Variants in UGT2B11 observed in about 807,000 individuals in gnomAD.
The protein encoded by UGT2B11 is UDP-glucuronosyltransferase 2B11.
Under a neutral mutation model 51.7 loss-of-function variants are expected in UGT2B11, and 49 were observed. The ratio of observed to expected loss-of-function variants is 0.95; its 90% CI spans 0.75 to 1.20. The LOEUF (loss-of-function observed/expected upper bound fraction) is 1.20, where lower values mean the gene tolerates loss of function less well. UGT2B11 is among the 50% of genes most tolerant of loss of function. The probability of loss-of-function intolerance (pLI) is 0.00; values close to 1 mark genes in which losing one functional copy is unlikely to be tolerated. For missense variants in UGT2B11, 810 were observed against 622.1 expected (o/e 1.30, Z -3.21); for synonymous variants, 273 against 209.0 (o/e 1.31, Z -2.64).
At chr4:69,200,756 A>G in intron 5 of UGT2B11, 37 bp from the exon 6 acceptor site, 1 of 1,575,062 alleles carries the variant, frequency 6.3e-7, no homozygotes, top group East Asian at 2.3e-5. Context: ...CACTGAAAGT[A>G]AGTTAATTTG....
At chr4:69,221,063 A>T in the UGT2B11 span, among the ~76,000 whole-genome samples, 14 of 152,300 alleles carry the variant, frequency 9.2e-5, no homozygotes, top group South Asian at 2.9e-3. Flanking sequence ...GCGTGTGGCA[A>T]GATTGGGGTA....
chr4:69,206,685 TA>T (rs1400656728), intron 3 of UGT2B11, among the ~76,000 whole-genome samples: 2 of 151,566 alleles, frequency 1.3e-5, no homozygotes, highest in Non-Finnish European at 3.0e-5. Context: ...AAAAAAAGTG[TA>T]AAAAATTATA....
the UGT2B11 span, among the ~76,000 whole-genome samples, chr4:69,219,966 G>A: frequency 4.6e-5 from 7 of 152,196 alleles, no homozygotes; most frequent in Non-Finnish European, 8.8e-5. Context: ...AAAGTCCACA[G>A]TCCAGAGTCT....
At chr4:69,202,999 A>T (rs1346737074) in intron 5 of UGT2B11, among the ~76,000 whole-genome samples, 26 of 151,636 alleles carry the variant, frequency 1.7e-4, no homozygotes, top group South Asian at 2.1e-4. Context: ...ATCTTTGGGG[A>T]GTGAACAAAA....
upstream of UGT2B11, chr4:69,215,423 G>GT: frequency 6.6e-6 from 1 of 151,898 alleles, no homozygotes; most frequent in Non-Finnish European, 1.5e-5. Context: ...TTAGTTTAAT[G>GT]TTTTTAAAGG....
chr4:69,207,138 C>A (rs1299941780), intron 3 of UGT2B11, among the ~76,000 whole-genome samples: 9 of 151,502 alleles, frequency 5.9e-5, no homozygotes, highest in Non-Finnish European at 1.3e-4. Flanking sequence ...TGAATAAACT[C>A]AAAATTGTAC....
upstream of UGT2B11, chr4:69,214,757 G>A (rs772448443): frequency 6.3e-7 from 1 of 1,597,544 alleles, no homozygotes; most frequent in South Asian, 1.1e-5. Flanking sequence ...TCCAGTCACT[G>A]TTTCTTTCTC....
chr4:69,208,845 C>A lies in UGT2B11; in HGVS notation c.871-363G>T, dbSNP rs556757363. ...AAGTTCTTGGAATAGTGGCACCACT[C>A]GGCTTTAATCCTATGTTTTTGTTCT... On this transcript the variant is annotated intron_variant, in intron 2 of 5. Coordinates refer to ENST00000446444, the MANE Select transcript of UGT2B11 (RefSeq NM_001073.3). 7.9e-3 allele frequency among the ~76,000 whole-genome samples: 1,179 copies of A among 149,628 alleles called. 9 individuals are homozygous for A. The highest frequency in any genetic ancestry group is 0.013 in the Non-Finnish European group (895 of 67,218).
In UGT2B11 at chr4:69,214,735, C is replaced by T. The variant is rs767681466; in HGVS notation, c.-13G>A. ...ATTTCAGAGTCATCCTGGTGCAATG[C>T]GATCATTCTTTTCCAGTCACTGTTT... is the stretch of plus-strand genomic sequence containing the variant. On this transcript the variant is annotated 5_prime_UTR_variant, in exon 1 of 6. Transcript: ENST00000446444. 8.7e-6 allele frequency: 14 copies of T among 1,606,952 alleles called. No homozygotes were observed. The highest frequency in any genetic ancestry group is 2.7e-5 in the African/African-American group (2 of 74,460).
At chr4:69,217,351 A>G (rs1337897209), upstream of UGT2B11, among the ~76,000 whole-genome samples, 1 of 152,186 alleles carries the variant, frequency 6.6e-6, no homozygotes, top group Non-Finnish European at 1.5e-5. Context: ...TGTTAACCTG[A>G]AATGAGATAA....
chr4:69,218,757 T>C (rs1722336797), upstream of UGT2B11, among the ~76,000 whole-genome samples: 1 of 152,160 alleles, frequency 6.6e-6, no homozygotes, highest in Admixed American at 6.5e-5. Context: ...GGGCATCCTC[T>C]GAAGGGAAAG....
the UGT2B11 span, among the ~76,000 whole-genome samples, chr4:69,223,149 C>G: frequency 6.6e-6 from 1 of 152,136 alleles, no homozygotes; most frequent in South Asian, 2.1e-4. Context: ...CAGGGGACCA[C>G]GTTTCTCCAT....
chr4:69,220,564 A>G, the UGT2B11 span, among the ~76,000 whole-genome samples: 104 of 13,850 alleles, frequency 7.5e-3, 1 homozygote, highest in African/African-American at 0.015. Context: ...GATGGCCTCG[A>G]TCCTGAAGAA....
In UGT2B11 at chr4:69,212,437, T is replaced by G. The variant is rs1266678519; in HGVS notation, c.870+136A>C. On this transcript the variant is annotated intron_variant, in intron 2 of 5. Transcript: ENST00000446444. ...CGGTATTAACATATACATGAGTTTC[T>G]AATTAGTATCTGCTTTACACCACCT... 2.8e-5 allele frequency: 40 copies of G among 1,445,378 alleles called. No homozygotes were observed. The South Asian group carries it at 3.9e-4, about 14-fold the overall frequency. The allele number at this position is 1,445,378 out of a possible 1,614,324, so 89.5% of individuals were successfully genotyped here. A position where few individuals can be genotyped will look rare whatever the true frequency, so the allele number is the denominator to read the frequency against.
upstream of UGT2B11, among the ~76,000 whole-genome samples, chr4:69,219,724 C>T (rs1722364595): frequency 6.6e-6 from 1 of 151,902 alleles, no homozygotes; most frequent in Non-Finnish European, 1.5e-5. Context: ...CACTTATTCA[C>T]TATCATGGGA....
At chr4:69,220,031 T>C in the UGT2B11 span, among the ~76,000 whole-genome samples, 1 of 152,042 alleles carries the variant, frequency 6.6e-6, no homozygotes, top group Non-Finnish European at 1.5e-5. Flanking sequence ...CAAAAGCAAG[T>C]TAGTTACTTT....
the UGT2B11 span, among the ~76,000 whole-genome samples, chr4:69,222,031 C>G: frequency 6.6e-6 from 1 of 152,272 alleles, no homozygotes; most frequent in Non-Finnish European, 1.5e-5. Context: ...GGCAATTGGC[C>G]TCTCCTCTCT....
chr4:69,208,255 G>T lies in UGT2B11; in HGVS notation c.1002+96C>A, dbSNP rs1027246322. The T allele has an allele frequency of 1.3e-5, 20 of 1,573,838 alleles. No individual in the cohort carries two copies. The African/African-American group carries it at 2.8e-4, about 22-fold the overall frequency. ...ATTTAAGGATGTATTTGGATGTAAA[G>T]AGTTCACTCTACTCTTAATATTCTT... is the stretch of plus-strand genomic sequence containing the variant. On this transcript the variant is annotated intron_variant, in intron 3 of 5. Transcript: ENST00000446444.
intron 3 of UGT2B11, 59 bp from the exon 4 acceptor site, chr4:69,205,626 T>C (rs1721823430): frequency 3.9e-6 from 6 of 1,549,726 alleles, no homozygotes; most frequent in Non-Finnish European, 5.3e-6. Flanking sequence ...TATAGAATGT[T>C]AGAACTGTAG....
Sources: gnomAD v4.1 joint callset for allele counts (sites outside exome capture counted in the v4.1 genomes callset) on GRCh38, gnomAD v4.1.1 for gene constraint, MANE v1.5 for transcripts, NCBI Gene and HGNC (gene_info 2026-07-23, HGNC 2026-07-21) for gene names.